Variants in DAP observed in about 807,000 individuals in gnomAD.
DAP encodes the protein death associated protein.
In DAP, 8 loss-of-function variants were observed where a neutral mutation model predicts 13.8. That is an observed-to-expected ratio of 0.58 (90% confidence interval 0.34 to 1.05). The LOEUF (loss-of-function observed/expected upper bound fraction) is 1.05, where lower values mean the gene tolerates loss of function less well. Ranked by LOEUF, DAP falls within the 50% of genes least tolerant of loss-of-function variation. The probability of loss-of-function intolerance (pLI) is 0.03; values close to 1 mark genes in which losing one functional copy is unlikely to be tolerated. For missense variants in DAP, 106 were observed against 133.2 expected (o/e 0.80, Z 1.01); for synonymous variants, 47 against 47.5 (o/e 0.99, Z 0.04).
chr5:10,758,332 A>G (rs1281937742), intron 1 of DAP, among the ~76,000 whole-genome samples: 1 of 151,196 alleles, frequency 6.6e-6, no homozygotes, highest in Non-Finnish European at 1.5e-5. Flanking sequence ...TGTAACATCT[A>G]GGAAAGCGCA....
intron 2 of DAP, among the ~76,000 whole-genome samples, chr5:10,743,402 C>G: frequency 6.6e-6 from 1 of 152,184 alleles, no homozygotes; most frequent in East Asian, 1.9e-4. Flanking sequence ...TGCCATGGTT[C>G]TAGGTCAGAA....
At chr5:10,692,005 C>G (rs1358698925) in intron 2 of DAP, among the ~76,000 whole-genome samples, 1 of 152,178 alleles carries the variant, frequency 6.6e-6, no homozygotes, top group African/African-American at 2.4e-5. Flanking sequence ...AAACTGCAGA[C>G]AGACAGGATA....
chr5:10,697,456 C>G (rs1738463310), intron 2 of DAP, among the ~76,000 whole-genome samples: 1 of 152,186 alleles, frequency 6.6e-6, no homozygotes, highest in African/African-American at 2.4e-5. Context: ...TAGAGTCACT[C>G]TTTGGAATTT....
intron 2 of DAP, among the ~76,000 whole-genome samples, chr5:10,702,922 A>T (rs956727801): frequency 1.3e-5 from 2 of 152,200 alleles, no homozygotes; most frequent in Non-Finnish European, 2.9e-5. Flanking sequence ...TAACATGCAG[A>T]CAGATGTGCA....
chr5:10,741,425 G>A (rs1259104096), intron 2 of DAP, among the ~76,000 whole-genome samples: 3 of 152,096 alleles, frequency 2.0e-5, no homozygotes, highest in Non-Finnish European at 2.9e-5. Flanking sequence ...GCTACAAATC[G>A]GGCTTTTAAA....
At chr5:10,712,538 T>C (rs1738879700) in intron 2 of DAP, among the ~76,000 whole-genome samples, 1 of 152,140 alleles carries the variant, frequency 6.6e-6, no homozygotes. Flanking sequence ...CGGTGTATTC[T>C]GCCGAGTAGA....
intron 2 of DAP, among the ~76,000 whole-genome samples, chr5:10,717,408 C>A (rs1739018903): frequency 6.6e-6 from 1 of 152,168 alleles, no homozygotes. Flanking sequence ...TGGGACCCTG[C>A]AACTTGGAAT....
chr5:10,692,722 C>A (rs932552172), intron 2 of DAP, among the ~76,000 whole-genome samples: 5 of 152,110 alleles, frequency 3.3e-5, no homozygotes, highest in Non-Finnish European at 5.9e-5. Flanking sequence ...CACAGGACAC[C>A]GATATTGCAA....
At chr5:10,747,666 GA>G (rs1739939685) in intron 2 of DAP, among the ~76,000 whole-genome samples, 1 of 152,198 alleles carries the variant, frequency 6.6e-6, no homozygotes, top group Non-Finnish European at 1.5e-5. Flanking sequence ...TGTTTCTCTG[GA>G]ATGACAACAG....
chr5:10,688,952 C>T (rs1738227245), intron 2 of DAP, among the ~76,000 whole-genome samples: 1 of 152,162 alleles, frequency 6.6e-6, no homozygotes, highest in African/African-American at 2.4e-5. Context: ...AATCTGTCTC[C>T]AGCACTGGTC....
At chr5:10,700,741 C>A (rs1468384318) in intron 2 of DAP, among the ~76,000 whole-genome samples, 4 of 152,218 alleles carry the variant, frequency 2.6e-5, no homozygotes, top group Non-Finnish European at 5.9e-5. Flanking sequence ...GGCCTTGCTG[C>A]GGCAAGAGGG....
chr5:10,717,510 C>T (rs1739021230), intron 2 of DAP, among the ~76,000 whole-genome samples: 3 of 152,152 alleles, frequency 2.0e-5, no homozygotes. Flanking sequence ...TCCCTATTCC[C>T]AGTAGTGGCA....
intron 2 of DAP, among the ~76,000 whole-genome samples, chr5:10,727,810 T>G (rs1196760951): frequency 6.6e-6 from 1 of 152,372 alleles, no homozygotes; most frequent in East Asian, 1.9e-4. Flanking sequence ...ATCCCACAGA[T>G]GCTCACATCC....
At chr5:10,727,861 C>T (rs1739331086) in intron 2 of DAP, among the ~76,000 whole-genome samples, 1 of 152,240 alleles carries the variant, frequency 6.6e-6, no homozygotes, top group Non-Finnish European at 1.5e-5. Flanking sequence ...AACCTTCACA[C>T]ATCCTCCCAT....
At chr5:10,759,189 CAA>C (rs1740275959) in intron 1 of DAP, among the ~76,000 whole-genome samples, 1 of 152,082 alleles carries the variant, frequency 6.6e-6, no homozygotes, top group African/African-American at 2.4e-5. Context: ...TTTCAAAAAA[CAA>C]AACAAAAAAC....
rs1737943857 is a variant in DAP at position 10,680,122 on chromosome 5, G to A, written c.*934C>T. 1 of 153,294 alleles carries A rather than the reference G, an allele frequency of 6.5e-6. No individual in the cohort carries two copies. The highest frequency in any genetic ancestry group is 6.5e-5 in the Admixed American group (1 of 15,410). The allele number at this position is 153,294 out of a possible 1,614,324, so 9.5% of individuals were successfully genotyped here. A position where few individuals can be genotyped will look rare whatever the true frequency, so the allele number is the denominator to read the frequency against. On this transcript the variant is annotated 3_prime_UTR_variant, in exon 4 of 4. Transcript: ENST00000230895. ...GAACAGTTAGACTCATCAGTGGATA[G>A]GTTTTTCTAGCACAAATGGAATGTG...
At chr5:10,747,194 T>C (rs958408751) in intron 2 of DAP, among the ~76,000 whole-genome samples, 1 of 152,246 alleles carries the variant, frequency 6.6e-6, no homozygotes, top group Non-Finnish European at 1.5e-5. Flanking sequence ...GGAGACAGGC[T>C]GTATAAGTAG....
chr5:10,730,925 T>C (rs1739441960), intron 2 of DAP, among the ~76,000 whole-genome samples: 2 of 64,828 alleles, frequency 3.1e-5, no homozygotes, highest in Admixed American at 1.8e-4. Flanking sequence ...CTTTCTCTAC[T>C]GAGAGCCCTA....
chr5:10,689,157 A>G (rs1417139052), intron 2 of DAP, among the ~76,000 whole-genome samples: 1 of 152,156 alleles, frequency 6.6e-6, no homozygotes, highest in East Asian at 1.9e-4. Flanking sequence ...TGAGATCATG[A>G]CAGCTCTGCT....
Sources: gnomAD v4.1 joint callset for allele counts (sites outside exome capture counted in the v4.1 genomes callset) on GRCh38, gnomAD v4.1.1 for gene constraint, MANE v1.5 for transcripts, NCBI Gene and HGNC (gene_info 2026-07-23, HGNC 2026-07-21) for gene names.